The following CLEC12A variants were observed in gnomAD, a reference collection of about 807,000 sequenced individuals.
The protein encoded by CLEC12A is C-type lectin protein CLL-1.
CLEC12A carries 22 observed loss-of-function variants against 26.5 expected under a neutral mutation model. The observed-to-expected ratio is 0.83, with a 90% CI of 0.59 to 1.19. The LOEUF is 1.19. CLEC12A is among the 50% of genes most tolerant of loss of function. The pLI is 0.00. For synonymous variants in CLEC12A, 119 were observed against 101.9 expected, an observed-to-expected ratio of 1.17 and a Z score of -1.01; for missense variants, 353 against 315.6, an observed-to-expected ratio of 1.12 and a Z score of -0.90.
chr12:9,967,290 A>AT (rs34234439), upstream of CLEC12A, among the ~76,000 whole-genome samples: 87,050 of 151,486 alleles, frequency 0.57, 25,333 homozygotes, highest in South Asian at 0.72. Flanking sequence ...GGAGGGACCA[A>AT]TGTGTAAAAG....
In CLEC12A at chr12:9,985,070, C is replaced by G; in HGVS notation, c.*44C>G. ...TTAAGGAGTGTAGGGGGTGGGGGTTCTAGGCTATAGGTAAATTTAAATATT... is the reference window on the plus strand; with the variant it reads ...TTAAGGAGTGTAGGGGGTGGGGGTTGTAGGCTATAGGTAAATTTAAATATT... On this transcript the variant is annotated 3_prime_UTR_variant, in exon 6 of 6. Transcript: ENST00000304361. 1.5e-6 allele frequency: 2 copies of G among 1,363,624 alleles called. No homozygotes were observed. The highest frequency in any genetic ancestry group is 9.4e-7 in the Non-Finnish European group (1 of 1,059,568). The allele number at this position is 1,363,624 out of a possible 1,614,324, so 84.5% of individuals were successfully genotyped here.
chr12:9,994,953 G>A (rs1591848864), intron 4 of CLEC12A: 1 of 1,452,288 alleles, frequency 6.9e-7, no homozygotes, highest in Non-Finnish European at 9.2e-7. Context: ...CTTAGATAAA[G>A]AGCAAAGTAA....
upstream of CLEC12A, among the ~76,000 whole-genome samples, chr12:9,970,878 C>T (rs528899611): frequency 3.3e-5 from 5 of 152,270 alleles, no homozygotes; most frequent in Admixed American, 2.6e-4. Context: ...TGGCAAAAAC[C>T]ACAATTACTT....
chr12:10,004,914 A>T, the CLEC12A span, among the ~76,000 whole-genome samples: 8 of 147,534 alleles, frequency 5.4e-5, no homozygotes, highest in East Asian at 1.6e-3. Flanking sequence ...ATCCCTCCCC[A>T]CTCCCCCGAC....
At chr12:9,975,760 G>T (rs931345059) in intron 1 of CLEC12A, among the ~76,000 whole-genome samples, 2 of 152,178 alleles carry the variant, frequency 1.3e-5, no homozygotes, top group African/African-American at 4.8e-5. Flanking sequence ...CATATCAGAG[G>T]TCTTCCCAGC....
At chr12:9,983,207 A>G (rs775617092) in intron 5 of CLEC12A, among the ~76,000 whole-genome samples, 8 of 152,014 alleles carry the variant, frequency 5.3e-5, no homozygotes, top group Non-Finnish European at 8.8e-5. Flanking sequence ...TGGTAATTCT[A>G]TTTTTAGTTC....
In CLEC12A at chr12:9,976,170, G is replaced by A. The variant is rs571064046; in HGVS notation, c.92-2796G>A. On this transcript the variant is annotated intron_variant, in intron 1 of 5. Coordinates refer to ENST00000304361, the MANE Select transcript of CLEC12A (RefSeq NM_138337.6). ...AAGCTCCACACAGAGTCCCCACTGG[G>A]GTACTGTCCAGTGGAGCAGTGAGAA... Among the ~76,000 whole-genome samples the A allele has an allele frequency of 1.2e-3, 181 of 152,308 alleles. 4 individuals carry two copies. In the South Asian group the frequency reaches 0.023, roughly 19 times the overall value.
At chr12:10,002,644 G>A in the CLEC12A span, among the ~76,000 whole-genome samples, 20 of 151,878 alleles carry the variant, frequency 1.3e-4, no homozygotes, top group African/African-American at 3.4e-4. Context: ...GGGTTTCACC[G>A]TGTTAGCCAG....
intron 1 of CLEC12A, among the ~76,000 whole-genome samples, chr12:9,972,109 T>C (rs369405084): frequency 3.9e-4 from 60 of 151,996 alleles, no homozygotes; most frequent in Non-Finnish European, 8.4e-4. Flanking sequence ...GAGACCTTTA[T>C]AGGATTTCAT....
At position 9,953,133 on chromosome 12, in the gene CLEC12A, TG is replaced by T. The variant is rs544890955; in HGVS notation, c.10+1783del. The T allele has an allele frequency of 1.6e-3, 125 of 78,216 alleles. 5 individuals are homozygous for T. The East Asian group carries it at 0.022, about 14-fold the overall frequency. The allele number at this position is 78,216 out of a possible 1,614,324, so 4.8% of individuals were successfully genotyped here. ...CCAGCCGCCCCATCCGGGAGGGAGG[TG>T]GGGGGTCAGCCCCCCGCCTGGCCAG... On this transcript the variant is annotated intron_variant, in intron 1 of 6. Transcript: ENST00000355690.
At chr12:9,974,558 C>T (rs1864256799) in intron 1 of CLEC12A, among the ~76,000 whole-genome samples, 1 of 152,130 alleles carries the variant, frequency 6.6e-6, no homozygotes, top group Non-Finnish European at 1.5e-5. Flanking sequence ...AATTGTCTCT[C>T]TCTCCAGACA....
intron 1 of CLEC12A, among the ~76,000 whole-genome samples, chr12:9,959,002 T>A (rs1863786823): frequency 6.6e-6 from 1 of 152,352 alleles, no homozygotes; most frequent in East Asian, 1.9e-4. Flanking sequence ...TGGAAGACTT[T>A]GTAATTTTGA....
intron 1 of CLEC12A, among the ~76,000 whole-genome samples, chr12:9,972,008 A>G (rs907450633): frequency 2.6e-5 from 4 of 151,716 alleles, no homozygotes; most frequent in Non-Finnish European, 4.4e-5. Flanking sequence ...AAGCCATGGA[A>G]AAAGAAACAT....
chr12:9,959,541 C>T (rs1863797478), intron 1 of CLEC12A, among the ~76,000 whole-genome samples: 1 of 151,732 alleles, frequency 6.6e-6, no homozygotes. Flanking sequence ...GTAATGAGTC[C>T]CTGGCACCTC....
rs756663998 is a variant in CLEC12A, at chr12:9,951,505, G to C, written c.10+149G>C. ...TCCAGTTCAGACACTCTTGGGGCTT[G>C]TTAGTAATTGAGTATGTGTCTGGAT... On this transcript the variant is annotated intron_variant, in intron 1 of 6. Transcript: ENST00000355690. 2.4e-5 allele frequency: 16 copies of C among 655,576 alleles called. No individual in the cohort carries two copies. The Middle Eastern group carries it at 2.8e-3, about 114-fold the overall frequency. 40.6% of individuals were successfully genotyped at this position (655,576 alleles called of 1,614,324 possible). A position where few individuals can be genotyped will look rare whatever the true frequency, so the allele number is the denominator to read the frequency against.
At chr12:9,955,726 T>C (rs536839452) in intron 1 of CLEC12A, among the ~76,000 whole-genome samples, 24 of 152,294 alleles carry the variant, frequency 1.6e-4, no homozygotes, top group African/African-American at 5.1e-4. Context: ...AGAAATTATT[T>C]TGATAAAATG....
chr12:9,956,491 A>C (rs1863742672), intron 1 of CLEC12A, among the ~76,000 whole-genome samples: 1 of 152,158 alleles, frequency 6.6e-6, no homozygotes, highest in Non-Finnish European at 1.5e-5. Flanking sequence ...CAGAAAACTC[A>C]AGTTGTTTTG....
downstream of CLEC12A, among the ~76,000 whole-genome samples, chr12:9,996,132 C>T (rs1440829095): frequency 6.6e-6 from 1 of 152,138 alleles, no homozygotes; most frequent in African/African-American, 2.4e-5. Flanking sequence ...TGGCATTCCA[C>T]AGGAGATATT....
chr12:9,999,536 G>A (rs866883055), downstream of CLEC12A, among the ~76,000 whole-genome samples: 7 of 152,210 alleles, frequency 4.6e-5, no homozygotes, highest in African/African-American at 1.4e-4. Flanking sequence ...CAGATATATA[G>A]TTTATCTCAT....
Sources: gnomAD v4.1 joint callset for allele counts (sites outside exome capture counted in the v4.1 genomes callset) on GRCh38, gnomAD v4.1.1 for gene constraint, MANE v1.5 for transcripts, NCBI Gene and HGNC (gene_info 2026-07-23, HGNC 2026-07-21) for gene names.